The following DCDC1 variants were observed in gnomAD, a reference collection of about 807,000 sequenced individuals.
DCDC1 encodes the protein doublecortin domain containing 1.
In DCDC1, 200 loss-of-function variants were observed where a neutral mutation model predicts 178.3. The observed-to-expected ratio is 1.12, with a 90% CI of 1.00 to 1.26. The LOEUF (loss-of-function observed/expected upper bound fraction) is 1.26. DCDC1 is among the 50% of genes most tolerant of loss of function. DCDC1 has a pLI of 0.00. For missense variants in DCDC1, 1,983 were observed against 1,749.2 expected (o/e 1.13, Z -2.38); for synonymous variants, 690 against 604.8 (o/e 1.14, Z -2.07).
Position 30,922,589 on chromosome 11 carries a change from G to A in DCDC1, c.3047C>T (p.Ala1016Val), listed in dbSNP as rs372943532. Reference protein sequence around the residue: ...ELWINPDLSIAQQKKQIFLRN... With the variant: ...ELWINPDLSIVQQKKQIFLRN... ...CAGGAATATTTGTTTCTTTTGCTGAGCAATGGACAGGTCAGGATTGATCCA... is the reference window on the plus strand; with the variant it reads ...CAGGAATATTTGTTTCTTTTGCTGAACAATGGACAGGTCAGGATTGATCCA... Residue 1016 changes from alanine (A) to valine (V), a missense_variant, in exon 24 of 39, where the codon GCT (alanine) becomes GTT (valine). Coordinates refer to ENST00000684477, the MANE Select transcript of DCDC1 (RefSeq NM_001387274.1). 9.3e-5 allele frequency: 147 copies of A among 1,586,056 alleles called. No homozygotes were observed. The highest frequency in any genetic ancestry group is 1.1e-4 in the Non-Finnish European group (134 of 1,170,168).
chr11:31,200,547 C>T (rs570068575), intron 9 of DCDC1, among the ~76,000 whole-genome samples: 4 of 151,966 alleles, frequency 2.6e-5, no homozygotes, highest in Non-Finnish European at 5.9e-5. Context: ...TAAAAAGAAA[C>T]ACAAGTCAAT....
At chr11:31,323,831 C>T (rs902130936) in intron 3 of DCDC1, among the ~76,000 whole-genome samples, 16 of 152,084 alleles carry the variant, frequency 1.1e-4, no homozygotes, top group African/African-American at 2.9e-4. Context: ...CTCTTAAGTA[C>T]ACAAAGCACA....
intron 9 of DCDC1, among the ~76,000 whole-genome samples, chr11:31,152,686 C>A (rs1965292821): frequency 6.6e-6 from 1 of 152,184 alleles, no homozygotes; most frequent in South Asian, 2.1e-4. Context: ...TTTCTACTTT[C>A]TACTGTCTTG....
At chr11:30,971,347 G>A (rs1949765778) in intron 20 of DCDC1, among the ~76,000 whole-genome samples, 1 of 151,886 alleles carries the variant, frequency 6.6e-6, no homozygotes, top group East Asian at 1.9e-4. Flanking sequence ...AAATGCCAGA[G>A]AAAGAATTCA....
intron 20 of DCDC1, among the ~76,000 whole-genome samples, chr11:31,011,231 G>T (rs1952149470): frequency 6.6e-6 from 1 of 151,994 alleles, no homozygotes; most frequent in African/African-American, 2.4e-5. Flanking sequence ...ATTGATTAAA[G>T]ACCTAAATGC....
chr11:30,880,092 A>G (rs1942511683), intron 37 of DCDC1, among the ~76,000 whole-genome samples: 1 of 152,180 alleles, frequency 6.6e-6, no homozygotes, highest in South Asian at 2.1e-4. Context: ...TAACCTACAA[A>G]CTGGGGATAC....
rs1229694499 is a variant in DCDC1, at chr11:30,903,854, A to G, written c.4309-171T>C. ...TTGATTACAGACTATTTTGGATATT[A>G]GATTGTCCTACCTAATTTCACAACA... On this transcript the variant is annotated intron_variant, in intron 31 of 38. Coordinates refer to ENST00000684477, the MANE Select transcript of DCDC1 (RefSeq NM_001387274.1). 4 of 556,014 alleles carry G rather than the reference A, an allele frequency of 7.2e-6. No homozygotes were observed. In the African/African-American group the frequency reaches 7.7e-5, roughly 11 times the overall value. 34.4% of individuals were successfully genotyped at this position (556,014 alleles called of 1,614,324 possible). A position where few individuals can be genotyped will look rare whatever the true frequency, so the allele number is the denominator to read the frequency against.
intron 18 of DCDC1, among the ~76,000 whole-genome samples, chr11:31,074,116 C>A (rs1197046648): frequency 1.3e-5 from 2 of 151,874 alleles, no homozygotes; most frequent in African/African-American, 4.8e-5. Flanking sequence ...ATAAGAATGG[C>A]AGGTATAGGG....
intron 4 of DCDC1, 111 bp from the exon 5 acceptor site, chr11:31,306,499 A>G: frequency 8.2e-7 from 1 of 1,212,528 alleles, no homozygotes; most frequent in Non-Finnish European, 1.1e-6. Context: ...GATTGTTCCT[A>G]TGTATATAAG....
intron 17 of DCDC1, among the ~76,000 whole-genome samples, chr11:31,084,591 T>C (rs1014339445): frequency 6.6e-6 from 1 of 152,026 alleles, no homozygotes; most frequent in Non-Finnish European, 1.5e-5. Context: ...TAAAGGCAAG[T>C]TAAAAGGTGA....
intron 21 of DCDC1, among the ~76,000 whole-genome samples, chr11:30,935,429 T>C (rs117805182): frequency 3.9e-5 from 6 of 152,350 alleles, no homozygotes; most frequent in Non-Finnish European, 8.8e-5. Context: ...CATTAATTAC[T>C]AACCTGATTG....
rs943572619 is a variant in DCDC1, at chr11:31,328,283, T to G, written c.-3A>C. On this transcript the variant is annotated 5_prime_UTR_variant, in exon 3 of 39. Transcript: ENST00000684477. Reference sequence around the variant, plus strand: ...TCTTCTGCTCCTGTTTTTGCCATTTTCAGCTAAAAATGATAAAGAATGTTA... The same window carrying G: ...TCTTCTGCTCCTGTTTTTGCCATTTGCAGCTAAAAATGATAAAGAATGTTA... The G allele has an allele frequency of 1.3e-6, 2 of 1,556,290 alleles. No homozygotes were observed. The highest frequency in any genetic ancestry group is 1.7e-6 in the Non-Finnish European group (2 of 1,148,000).
chr11:30,990,964 T>G (rs1047216721), intron 20 of DCDC1, among the ~76,000 whole-genome samples: 1 of 152,190 alleles, frequency 6.6e-6, no homozygotes, highest in Non-Finnish European at 1.5e-5. Context: ...GGTGGGAAGC[T>G]TCCTGGTATC....
In DCDC1 at chr11:30,998,541, A is replaced by T. The variant is rs576099559; in HGVS notation, c.2592-45973T>A. ...AAGAATGGATATATTTTCCTTGCAAAAGAATTCCAATTAGTAAATGTTTTA... is the reference window on the plus strand; with the variant it reads ...AAGAATGGATATATTTTCCTTGCAATAGAATTCCAATTAGTAAATGTTTTA... On this transcript the variant is annotated intron_variant, in intron 20 of 38. Coordinates refer to ENST00000684477, the MANE Select transcript of DCDC1 (RefSeq NM_001387274.1). Among the ~76,000 whole-genome samples, 125 of 152,342 alleles carry T rather than the reference A, an allele frequency of 8.2e-4. 1 individual carries two copies. The highest frequency in any genetic ancestry group is 4.6e-3 in the South Asian group (22 of 4,828).
chr11:30,998,675 G>A (rs1054790789), intron 20 of DCDC1, among the ~76,000 whole-genome samples: 1 of 152,100 alleles, frequency 6.6e-6, no homozygotes, highest in Non-Finnish European at 1.5e-5. Flanking sequence ...GGGAGAAATT[G>A]GATATTTGCT....
chr11:30,989,471 T>A (rs1389088814), intron 20 of DCDC1, among the ~76,000 whole-genome samples: 2 of 152,010 alleles, frequency 1.3e-5, no homozygotes, highest in East Asian at 3.9e-4. Context: ...TTTGGAAAAA[T>A]AAAAACAAAT....
intron 6 of DCDC1, among the ~76,000 whole-genome samples, chr11:31,303,583 T>C (rs1452970521): frequency 6.6e-6 from 1 of 152,270 alleles, no homozygotes; most frequent in East Asian, 1.9e-4. Flanking sequence ...GTGAGTGATA[T>C]GTAATATATC....
intron 9 of DCDC1, among the ~76,000 whole-genome samples, chr11:31,190,652 A>AGT (rs1970029762): frequency 6.6e-6 from 1 of 152,218 alleles, no homozygotes; most frequent in Admixed American, 6.5e-5. Context: ...TCCCACTAAC[A>AGT]GTGTGTAGAA....
intron 38 of DCDC1, among the ~76,000 whole-genome samples, chr11:30,872,734 C>G (rs565161680): frequency 6.6e-6 from 1 of 152,096 alleles, no homozygotes; most frequent in African/African-American, 2.4e-5. Context: ...TTATATAAGG[C>G]TTTAAACATG....
Sources: gnomAD v4.1 joint callset for allele counts (sites outside exome capture counted in the v4.1 genomes callset) on GRCh38, gnomAD v4.1.1 for gene constraint, MANE v1.5 for transcripts, NCBI Gene and HGNC (gene_info 2026-07-23, HGNC 2026-07-21) for gene names.